Variants in FBXL17 observed in about 807,000 individuals in gnomAD.
FBXL17 encodes F-box and leucine rich repeat protein 17, also known as F-box/LRR-repeat protein 17.
A neutral mutation model predicts 66.2 loss-of-function variants in FBXL17; 22 were observed. That is an observed-to-expected ratio of 0.33 (90% CI 0.24 to 0.47). The LOEUF (loss-of-function observed/expected upper bound fraction) is 0.47, where lower values mean the gene tolerates loss of function less well. Ranked by LOEUF, FBXL17 falls within the 20% of genes least tolerant of loss-of-function variation. The pLI is 1.00. For missense variants in FBXL17, 878 were observed against 948.2 expected, an observed-to-expected ratio of 0.93 and a Z score of 0.97; for synonymous variants, 474 against 400.5, an observed-to-expected ratio of 1.18 and a Z score of -2.19.
At chr5:108,222,527 C>T (rs891652325) in intron 5 of FBXL17, among the ~76,000 whole-genome samples, 2 of 152,096 alleles carry the variant, frequency 1.3e-5, no homozygotes, top group Non-Finnish European at 2.9e-5. Flanking sequence ...GGCTCTGATC[C>T]TCACAATAAA....
chr5:107,996,474 C>T (rs190637423), intron 7 of FBXL17, among the ~76,000 whole-genome samples: 1 of 152,234 alleles, frequency 6.6e-6, no homozygotes, highest in African/African-American at 2.4e-5. Flanking sequence ...GCCACCATGT[C>T]TGGCTAATTT....
chr5:108,367,985 T>C lies in FBXL17; in HGVS notation c.994-32A>G, dbSNP rs894782301. ...ATAAAAAACGGTACCATATAATATG[T>C]GCTAAACATTTTCAAGGCACAGGAA... On this transcript the variant is annotated intron_variant, in intron 1 of 8. Coordinates refer to ENST00000542267, the MANE Select transcript of FBXL17 (RefSeq NM_001163315.3). 4.6e-6 allele frequency: 7 copies of C among 1,521,298 alleles called. No individual in the cohort carries two copies. The South Asian group carries it at 5.1e-5, about 11-fold the overall frequency. 94.2% of individuals were successfully genotyped at this position (1,521,298 alleles called of 1,614,324 possible). A position where few individuals can be genotyped will look rare whatever the true frequency, so the allele number is the denominator to read the frequency against.
Position 108,153,784 on chromosome 5 carries a change from A to T in FBXL17, c.1745+32333T>A, listed in dbSNP as rs76894859. Among the ~76,000 whole-genome samples the T allele has an allele frequency of 9.2e-3, 1,395 of 152,270 alleles. 17 individuals are homozygous for T. The highest frequency in any genetic ancestry group is 0.032 in the African/African-American group (1,316 of 41,552). On this transcript the variant is annotated intron_variant, in intron 6 of 8. Transcript: ENST00000542267. ...GGTTCAATCCATGAGAACACTCTCT[A>T]CACTGTTGTCAGGACTGGTTACAGA...
chr5:107,945,233 TTGGCAAACATTAAAAAGTC>T (rs1751244720), intron 7 of FBXL17, among the ~76,000 whole-genome samples: 1 of 152,168 alleles, frequency 6.6e-6, no homozygotes, highest in African/African-American at 2.4e-5. Flanking sequence ...AGCAATCGGA[TTGGCAAACATTAAAAAGTC>T]TGGCAACATC....
At chr5:108,242,549 T>C (rs576433375) in intron 4 of FBXL17, among the ~76,000 whole-genome samples, 1 of 152,250 alleles carries the variant, frequency 6.6e-6, no homozygotes, top group African/African-American at 2.4e-5. Context: ...ATTAGTCCTA[T>C]GTAATTATTT....
chr5:108,012,842 C>A (rs952641498), intron 7 of FBXL17, among the ~76,000 whole-genome samples: 1 of 151,726 alleles, frequency 6.6e-6, no homozygotes, highest in Non-Finnish European at 1.5e-5. Flanking sequence ...ATGGAGAAAC[C>A]CTGTCTCTAC....
Position 108,081,498 on chromosome 5 carries a change from G to A in FBXL17, c.1746-60497C>T, listed in dbSNP as rs961250359. ...GCACTTTGGGAGGCCAAGGAGAGCG[G>A]ATCACGAGGTCAGGAAATCGAGACC... On this transcript the variant is annotated intron_variant, in intron 6 of 8. Coordinates refer to ENST00000542267, the MANE Select transcript of FBXL17 (RefSeq NM_001163315.3). 3.9e-5 allele frequency among the ~76,000 whole-genome samples: 6 copies of A among 152,074 alleles called. 1 individual carries two copies. Among genetic ancestry groups the A allele is most frequent in the African/African-American group, 1.4e-4 (6 of 41,420 alleles).
intron 4 of FBXL17, among the ~76,000 whole-genome samples, chr5:108,258,745 T>C (rs1756685056): frequency 6.6e-6 from 1 of 151,444 alleles, no homozygotes; most frequent in Non-Finnish European, 1.5e-5. Context: ...ACATTTTTTT[T>C]TTTTTTTTTT....
intron 6 of FBXL17, among the ~76,000 whole-genome samples, chr5:108,108,640 T>C (rs983705974): frequency 2.6e-5 from 4 of 152,166 alleles, no homozygotes; most frequent in Non-Finnish European, 5.9e-5. Flanking sequence ...AAAAATACTT[T>C]GTTATCCTCT....
At chr5:108,233,035 A>G (rs1212973108) in intron 4 of FBXL17, among the ~76,000 whole-genome samples, 1 of 151,744 alleles carries the variant, frequency 6.6e-6, no homozygotes, top group African/African-American at 2.4e-5. Flanking sequence ...TCTTGAGTAA[A>G]TATCTAGGAG....
At chr5:108,343,097 C>G (rs536280453) in intron 4 of FBXL17, among the ~76,000 whole-genome samples, 1 of 152,284 alleles carries the variant, frequency 6.6e-6, no homozygotes, top group East Asian at 1.9e-4. Flanking sequence ...AGAAAGCAAG[C>G]CCTCACCAAA....
rs900808180 is a variant in FBXL17 at position 107,859,946 on chromosome 5, A to G, written c.*1774T>C. 14 of 152,178 alleles carry G rather than the reference A, an allele frequency of 9.2e-5. No individual in the cohort carries two copies. The highest frequency in any genetic ancestry group is 9.2e-4 in the Admixed American group (14 of 15,284). 9.4% of individuals were successfully genotyped at this position (152,178 alleles called of 1,614,324 possible). A position where few individuals can be genotyped will look rare whatever the true frequency, so the allele number is the denominator to read the frequency against. On this transcript the variant is annotated 3_prime_UTR_variant, in exon 9 of 9. Coordinates refer to ENST00000542267, the MANE Select transcript of FBXL17 (RefSeq NM_001163315.3). ...CAATGTGTAAGAAGAAATATAGTTT[A>G]TTAATGTTAAACAGCTTTTTTCTTA...
At chr5:108,013,962 T>C (rs974897837) in intron 7 of FBXL17, among the ~76,000 whole-genome samples, 17 of 152,180 alleles carry the variant, frequency 1.1e-4, no homozygotes, top group African/African-American at 3.6e-4. Context: ...TTGGTATTCA[T>C]TCCAGCTCCA....
At chr5:108,260,310 T>C (rs888494786) in intron 4 of FBXL17, among the ~76,000 whole-genome samples, 9 of 151,954 alleles carry the variant, frequency 5.9e-5, no homozygotes, top group Admixed American at 4.6e-4. Flanking sequence ...GATTGGGAGA[T>C]TGGGTGGTTC....
intron 6 of FBXL17, among the ~76,000 whole-genome samples, chr5:108,043,799 G>C (rs994436521): frequency 6.6e-6 from 1 of 152,070 alleles, no homozygotes; most frequent in Non-Finnish European, 1.5e-5. Context: ...GTATCAATTT[G>C]GGGAGAAATT....
At chr5:108,008,843 G>A (rs1165044134) in intron 7 of FBXL17, among the ~76,000 whole-genome samples, 1 of 151,964 alleles carries the variant, frequency 6.6e-6, no homozygotes. Flanking sequence ...AAAGGGCAAG[G>A]AAGGGATTGG....
rs574833121 is a variant in FBXL17 at position 108,216,028 on chromosome 5, G to A, written c.1614+8093C>T. Among the ~76,000 whole-genome samples, 7 of 152,168 alleles carry A rather than the reference G, an allele frequency of 4.6e-5. No individual in the cohort carries two copies. In the South Asian group the frequency reaches 1.0e-3, roughly 23 times the overall value. On this transcript the variant is annotated intron_variant, in intron 5 of 8. Coordinates refer to ENST00000542267, the MANE Select transcript of FBXL17 (RefSeq NM_001163315.3). ...TAGATGTGTGAGTTTATTTCTGGAC[G>A]CTCGATCCTTTTCCATTGACTTACG...
chr5:108,234,581 T>C (rs149472793), intron 4 of FBXL17, among the ~76,000 whole-genome samples: 113 of 152,262 alleles, frequency 7.4e-4, no homozygotes, highest in Middle Eastern at 6.8e-3. Flanking sequence ...TCCAGAGAAG[T>C]AGAGTGGCAG....
intron 7 of FBXL17, among the ~76,000 whole-genome samples, chr5:107,928,858 C>G (rs917002896): frequency 1.3e-5 from 2 of 152,080 alleles, no homozygotes; most frequent in South Asian, 4.1e-4. Context: ...GCCCTTAAAA[C>G]AGAAGTTATA....
Sources: gnomAD v4.1 joint callset for allele counts (sites outside exome capture counted in the v4.1 genomes callset) on GRCh38, gnomAD v4.1.1 for gene constraint, MANE v1.5 for transcripts, NCBI Gene and HGNC (gene_info 2026-07-23, HGNC 2026-07-21) for gene names.